Variants in COL26A1 observed in about 807,000 individuals in gnomAD.
The protein encoded by COL26A1 is collagen alpha-1(XXVI) chain.
A neutral mutation model predicts 59.3 loss-of-function variants in COL26A1; 41 were observed. The ratio of observed to expected loss-of-function variants is 0.69; its 90% CI spans 0.54 to 0.90. The LOEUF (loss-of-function observed/expected upper bound fraction) is 0.90. Among genes scored for constraint, COL26A1 ranks in the 40% least tolerant of loss-of-function variants. The pLI is 0.00. For missense variants in COL26A1, 612 were observed against 602.3 expected, an observed-to-expected ratio of 1.02 and a Z score of -0.17; for synonymous variants, 266 against 256.0, an observed-to-expected ratio of 1.04 and a Z score of -0.37.
intron 2 of COL26A1, among the ~76,000 whole-genome samples, chr7:101,434,039 CCCTT>C (rs1792842793): frequency 2.4e-5 from 2 of 82,928 alleles, no homozygotes; most frequent in Non-Finnish European, 2.2e-5. Flanking sequence ...TTACTCCCTT[CCCTT>C]CCCTCCCTCC....
At chr7:101,547,315 G>C in intron 8 of COL26A1, 76 bp downstream of exon 8, 1 of 1,020,406 alleles carries the variant, frequency 9.8e-7, no homozygotes, top group Non-Finnish European at 1.4e-6. Flanking sequence ...GGCCTTGAGG[G>C]GAGCTGGAGG....
chr7:101,430,515 T>C (rs1204255940), intron 2 of COL26A1, among the ~76,000 whole-genome samples: 1 of 151,122 alleles, frequency 6.6e-6, no homozygotes, highest in African/African-American at 2.5e-5. Context: ...GGTCTTGAAC[T>C]CTTGACCTCA....
intron 2 of COL26A1, among the ~76,000 whole-genome samples, chr7:101,431,486 C>T (rs1423777549): frequency 6.6e-6 from 1 of 152,074 alleles, no homozygotes; most frequent in Admixed American, 6.5e-5. Flanking sequence ...TCTTGAACCC[C>T]TGAGCTTAGG....
chr7:101,538,822 C>T (rs1326211965), intron 4 of COL26A1, among the ~76,000 whole-genome samples: 1 of 152,178 alleles, frequency 6.6e-6, no homozygotes, highest in African/African-American at 2.4e-5. Flanking sequence ...GGCCCAGGGG[C>T]ACTGCAGAAC....
rs147610864 is a variant in COL26A1 at position 101,496,067 on chromosome 7, C to A, written c.386-37015C>A. Among the ~76,000 whole-genome samples the A allele has an allele frequency of 5.3e-5, 8 of 152,100 alleles. No individual in the cohort carries two copies. The East Asian group carries it at 1.6e-3, about 30-fold the overall frequency. On this transcript the variant is annotated intron_variant, in intron 3 of 12. Coordinates refer to ENST00000313669, the MANE Select transcript of COL26A1 (RefSeq NM_001278563.3). ...CTGCACTCCAGCCTAGGCAGCAAAG[C>A]GAGACCCTGTCTCAGGGAAAAAAAT... is the stretch of plus-strand genomic sequence containing the variant.
chr7:101,479,524 C>G (rs1794113799), intron 3 of COL26A1, among the ~76,000 whole-genome samples: 1 of 152,098 alleles, frequency 6.6e-6, no homozygotes, highest in Admixed American at 6.6e-5. Context: ...CATTCCTTTT[C>G]TTTGGTTGAT....
In COL26A1 at chr7:101,488,099, C is replaced by T. The variant is rs1464130530; in HGVS notation, c.385+40312C>T. ...ACCACCCTGGCCAACATGGTGAAAC[C>T]CCCATCTCTACTGAAAAAAAAACAA... On this transcript the variant is annotated intron_variant, in intron 3 of 12. Coordinates refer to ENST00000313669, the MANE Select transcript of COL26A1 (RefSeq NM_001278563.3). Among the ~76,000 whole-genome samples the T allele has an allele frequency of 2.1e-5, 3 of 144,064 alleles. 1 individual carries two copies. The highest frequency in any genetic ancestry group is 4.5e-4 in the South Asian group (2 of 4,446). The allele number at this position is 144,064 out of a possible 152,430, so 94.5% of individuals were successfully genotyped here.
Position 101,533,355 on chromosome 7 carries a change from T to C in COL26A1, c.447+212T>C, listed in dbSNP as rs1310121472. ...GGCTGGGAGGTCCCGGGCAGCAGGC[T>C]GGTTTTGGGCAGGTCAGAATGGTGC... On this transcript the variant is annotated intron_variant, in intron 4 of 12. Coordinates refer to ENST00000313669, the MANE Select transcript of COL26A1 (RefSeq NM_001278563.3). 2.3e-4 allele frequency among the ~76,000 whole-genome samples: 35 copies of C among 152,092 alleles called. 1 individual carries two copies. In the East Asian group the frequency reaches 5.2e-3, roughly 23 times the overall value.
chr7:101,454,735 T>C (rs996222918), intron 3 of COL26A1, among the ~76,000 whole-genome samples: 1 of 152,170 alleles, frequency 6.6e-6, no homozygotes, highest in African/African-American at 2.4e-5. Context: ...TAGATAAGCC[T>C]CGTTCAGGCA....
At chr7:101,505,911 T>A (rs1794804163) in intron 3 of COL26A1, among the ~76,000 whole-genome samples, 1 of 152,182 alleles carries the variant, frequency 6.6e-6, no homozygotes, top group South Asian at 2.1e-4. Context: ...AGCCCAGAGA[T>A]GGACAGACAC....
intron 3 of COL26A1, among the ~76,000 whole-genome samples, chr7:101,471,567 G>GTTGTTTTTTTTT (rs1485332913): frequency 1.8e-4 from 20 of 112,414 alleles, no homozygotes; most frequent in African/African-American, 6.7e-4. Context: ...TGTTGTTGTT[G>GTTGTTTTTTTTT]TTTGTTTTTT....
At chr7:101,511,422 G>T (rs567685153) in intron 3 of COL26A1, among the ~76,000 whole-genome samples, 1 of 152,322 alleles carries the variant, frequency 6.6e-6, no homozygotes, top group East Asian at 1.9e-4. Context: ...AACAAATCCT[G>T]ATTCTCAAGG....
intron 2 of COL26A1, among the ~76,000 whole-genome samples, chr7:101,429,391 T>C (rs1389573526): frequency 6.6e-6 from 1 of 152,104 alleles, no homozygotes; most frequent in Admixed American, 6.6e-5. Flanking sequence ...TCTCCTTTAT[T>C]GAATTGCTTT....
At chr7:101,386,199 G>C (rs1791569965) in intron 1 of COL26A1, among the ~76,000 whole-genome samples, 1 of 151,442 alleles carries the variant, frequency 6.6e-6, no homozygotes, top group Non-Finnish European at 1.5e-5. Context: ...ATTCTGAATT[G>C]TGTATCTCCT....
chr7:101,404,664 A>T (rs1284161448), intron 1 of COL26A1, among the ~76,000 whole-genome samples: 1 of 152,236 alleles, frequency 6.6e-6, no homozygotes, highest in Non-Finnish European at 1.5e-5. Context: ...AGGAGGCTGA[A>T]GTAGGAGGAT....
intron 3 of COL26A1, among the ~76,000 whole-genome samples, chr7:101,520,274 G>C (rs1426258794): frequency 1.3e-5 from 2 of 152,078 alleles, no homozygotes; most frequent in Non-Finnish European, 2.9e-5. Context: ...CCCAACACCT[G>C]CCTGGGGCAG....
At chr7:101,491,477 G>C (rs1794459171) in intron 3 of COL26A1, among the ~76,000 whole-genome samples, 1 of 152,166 alleles carries the variant, frequency 6.6e-6, no homozygotes. Context: ...ACAGTGCAAA[G>C]CAAAAGCAAG....
At chr7:101,476,525 C>T (rs988772092) in intron 3 of COL26A1, among the ~76,000 whole-genome samples, 4 of 150,018 alleles carry the variant, frequency 2.7e-5, no homozygotes, top group East Asian at 1.9e-4. Flanking sequence ...TGGTTAACAT[C>T]GGGTTACTTC....
chr7:101,365,889 C>A (rs561244898), intron 1 of COL26A1, among the ~76,000 whole-genome samples: 1 of 151,868 alleles, frequency 6.6e-6, no homozygotes, highest in Non-Finnish European at 1.5e-5. Flanking sequence ...CCATGAAGAG[C>A]GGGAGCGAAT....
Sources: gnomAD v4.1 joint callset for allele counts (sites outside exome capture counted in the v4.1 genomes callset) on GRCh38, gnomAD v4.1.1 for gene constraint, MANE v1.5 for transcripts, NCBI Gene and HGNC (gene_info 2026-07-23, HGNC 2026-07-21) for gene names.